Variants in PDE6D observed in about 807,000 individuals in gnomAD.
The protein encoded by PDE6D is phosphodiesterase 6D.
In PDE6D, 10 loss-of-function variants were observed where a neutral mutation model predicts 21.9. The observed-to-expected ratio is 0.46, with a 90% CI of 0.28 to 0.78. The LOEUF is 0.78. PDE6D is among the 30% of genes least tolerant of loss of function. The pLI is 0.12. For synonymous variants in PDE6D, 59 were observed against 63.5 expected (o/e 0.93, Z 0.34); for missense variants, 139 against 184.8 (o/e 0.75, Z 1.44).
chr2:231,741,938 G>A (rs149606661), intron 1 of PDE6D, among the ~76,000 whole-genome samples: 41 of 152,280 alleles, frequency 2.7e-4, no homozygotes, highest in Admixed American at 3.9e-4. Flanking sequence ...GTCATTTTCC[G>A]TAGTGGAAAG....
chr2:231,755,976 C>G (rs886716442), intron 1 of PDE6D, among the ~76,000 whole-genome samples: 2 of 151,880 alleles, frequency 1.3e-5, no homozygotes, highest in Non-Finnish European at 2.9e-5. Flanking sequence ...AAACTGTGCA[C>G]TTCTGAAACT....
In PDE6D at chr2:231,732,608, A is replaced by G. The variant is rs574809093; in HGVS notation, c.*344T>C. 2 of 181,566 alleles carry G rather than the reference A, an allele frequency of 1.1e-5. No homozygotes were observed. Among genetic ancestry groups the G allele is most frequent in the East Asian group, 2.9e-4 (2 of 6,992 alleles). 11.2% of individuals were successfully genotyped at this position (181,566 alleles called of 1,614,324 possible). A position where few individuals can be genotyped will look rare whatever the true frequency, so the allele number is the denominator to read the frequency against. On this transcript the variant is annotated 3_prime_UTR_variant, in exon 5 of 5. Coordinates refer to ENST00000287600, the MANE Select transcript of PDE6D (RefSeq NM_002601.4). ...AACCAGGGGCCAAAGGTAGATGTGT[A>G]GCCTGTAGGGCCCAAGGAGGAGACA...
intron 1 of PDE6D, among the ~76,000 whole-genome samples, chr2:231,775,607 G>A (rs1267837159): frequency 6.6e-6 from 1 of 151,582 alleles, no homozygotes; most frequent in Non-Finnish European, 1.5e-5. Flanking sequence ...ACAGGCATGA[G>A]CCCCTGCACC....
intron 1 of PDE6D, among the ~76,000 whole-genome samples, chr2:231,766,121 C>A (rs560307832): frequency 3.9e-5 from 6 of 152,188 alleles, no homozygotes; most frequent in Non-Finnish European, 7.3e-5. Context: ...TCTCTGAGAA[C>A]CCAGGTTTCA....
chr2:231,755,171 C>T (rs2048873116), intron 1 of PDE6D, among the ~76,000 whole-genome samples: 2 of 152,216 alleles, frequency 1.3e-5, no homozygotes, highest in Non-Finnish European at 2.9e-5. Context: ...TGATCTCAGA[C>T]TTCCAACCTC....
At chr2:231,744,116 T>C (rs1482737251) in intron 1 of PDE6D, among the ~76,000 whole-genome samples, 1 of 152,176 alleles carries the variant, frequency 6.6e-6, no homozygotes, top group Non-Finnish European at 1.5e-5. Flanking sequence ...TGAGGCATTC[T>C]AGCAAAACTA....
At chr2:231,770,579 A>G (rs1158681314) in intron 1 of PDE6D, among the ~76,000 whole-genome samples, 1 of 152,194 alleles carries the variant, frequency 6.6e-6, no homozygotes, top group Non-Finnish European at 1.5e-5. Context: ...GCACTTGGGG[A>G]GGCCAAGGCA....
chr2:231,758,455 C>T (rs202218543), intron 1 of PDE6D, among the ~76,000 whole-genome samples: 5 of 152,126 alleles, frequency 3.3e-5, no homozygotes, highest in East Asian at 3.8e-4. Context: ...TTATATATAC[C>T]TTGTGTTCTA....
chr2:231,752,369 G>A (rs1272468545), intron 1 of PDE6D, among the ~76,000 whole-genome samples: 1 of 152,160 alleles, frequency 6.6e-6, no homozygotes, highest in East Asian at 1.9e-4. Context: ...CAGATAATAT[G>A]AAGGCCTTAC....
Position 231,738,011 on chromosome 2 carries a change from A to G in PDE6D, c.265+2T>C. On this transcript the variant is annotated splice_donor_variant, in intron 3 of 4. Coordinates refer to ENST00000287600, the MANE Select transcript of PDE6D (RefSeq NM_002601.4). LOFTEE classifies it high-confidence loss of function. Reference sequence around the variant, plus strand: ...ATTTCAGGCATGTAGGCAGCAGAATACCTTCTAGGCATTGCCCTTTGAAGT... The same window carrying G: ...ATTTCAGGCATGTAGGCAGCAGAATGCCTTCTAGGCATTGCCCTTTGAAGT... 6.2e-7 allele frequency: 1 copy of G among 1,613,208 alleles called. No homozygotes were observed. The highest frequency in any genetic ancestry group is 1.1e-5 in the South Asian group (1 of 90,878).
intron 1 of PDE6D, among the ~76,000 whole-genome samples, chr2:231,740,289 AG>A (rs751242793): frequency 3.3e-5 from 5 of 152,198 alleles, no homozygotes; most frequent in Non-Finnish European, 7.3e-5. Context: ...AGAACAAAAA[AG>A]AACTCTAGAA....
At chr2:231,769,661 T>C (rs1171546088) in intron 1 of PDE6D, among the ~76,000 whole-genome samples, 1 of 152,152 alleles carries the variant, frequency 6.6e-6, no homozygotes, top group Non-Finnish European at 1.5e-5. Flanking sequence ...TTGCCCAGGC[T>C]GGAATGAAGA....
At chr2:231,766,993 C>CAAAAAA (rs3038045) in intron 1 of PDE6D, among the ~76,000 whole-genome samples, 29 of 36,666 alleles carry the variant, frequency 7.9e-4, no homozygotes, top group South Asian at 1.3e-3. Flanking sequence ...GACTCCGTCT[C>CAAAAAA]AAAAAAAAAA....
At chr2:231,736,040 A>C (rs1019077778) in intron 4 of PDE6D, among the ~76,000 whole-genome samples, 9 of 151,918 alleles carry the variant, frequency 5.9e-5, no homozygotes, top group African/African-American at 1.7e-4. Context: ...AAAAAAAAAA[A>C]AAAACTTAAA....
At chr2:231,767,992 C>T (rs2048985995) in intron 1 of PDE6D, among the ~76,000 whole-genome samples, 1 of 151,914 alleles carries the variant, frequency 6.6e-6, no homozygotes, top group African/African-American at 2.4e-5. Flanking sequence ...ACTACAGGCA[C>T]ACACTACCAT....
intron 1 of PDE6D, among the ~76,000 whole-genome samples, chr2:231,755,617 C>T (rs2066208089): frequency 6.6e-6 from 1 of 151,844 alleles, no homozygotes. Context: ...TCCTACCACA[C>T]AAGATCTCTA....
At chr2:231,740,798 C>G (rs1199786252) in intron 1 of PDE6D, among the ~76,000 whole-genome samples, 1 of 149,894 alleles carries the variant, frequency 6.7e-6, no homozygotes, top group Non-Finnish European at 1.5e-5. Flanking sequence ...ACAGAGAGAA[C>G]AGAGGGGAGG....
At chr2:231,750,660 ATTTTTTTTTT>A (rs561604556) in intron 1 of PDE6D, among the ~76,000 whole-genome samples, 1 of 92,118 alleles carries the variant, frequency 1.1e-5, no homozygotes, top group Non-Finnish European at 1.9e-5. Context: ...TGCTCATCTA[ATTTTTTTTTT>A]TTTTTTTTTT....
Position 231,739,155 on chromosome 2 carries a change from C to T in PDE6D, c.84G>A (p.Gly28=), listed in dbSNP as rs776642235. The T allele has an allele frequency of 1.2e-6, 2 of 1,613,164 alleles. No homozygotes were observed. Among genetic ancestry groups the T allele is most frequent in the East Asian group, 4.5e-5 (2 of 44,876 alleles). The change falls in exon 2 of 5, where the codon GGG becomes GGA. Residue 28 remains glycine, a synonymous_variant. Coordinates refer to ENST00000287600, the MANE Select transcript of PDE6D (RefSeq NM_002601.4). This position sits in a 1 kb window ranked among gnomAD's most constrained non-coding sequence, Gnocchi z 4.2. ...NWMNLRDAET[G]KILWQGTEDL... is the part of the protein sequence containing the mutation. ...CTTCTGTTCCTTGCCAGAGTATCTT[C>T]CCTGTCTCAGCATCCCGAAGGTTCA... is the stretch of plus-strand genomic sequence containing the variant.
Sources: allele counts gnomAD v4.1 joint callset (sites outside exome capture counted in the v4.1 genomes callset), GRCh38; gene constraint gnomAD v4.1.1; non-coding constraint Gnocchi (gnomAD v3.1); transcripts MANE v1.5; gene names NCBI Gene and HGNC (gene_info 2026-07-23, HGNC 2026-07-21).